Variants in NCS1 observed in about 807,000 individuals in gnomAD.
NCS1 encodes the protein neuronal calcium sensor 1.
NCS1 carries 6 observed loss-of-function variants against 28.4 expected under a neutral mutation model. The ratio of observed to expected loss-of-function variants is 0.21; its 90% CI spans 0.12 to 0.42. NCS1 has a LOEUF of 0.42. Among genes scored for constraint, NCS1 ranks in the 10% least tolerant of loss-of-function variants. The pLI is 1.00. For synonymous variants in NCS1, 86 were observed against 99.3 expected (o/e 0.87, Z 0.79); for missense variants, 131 against 241.4 (o/e 0.54, Z 3.03).
At chr9:130,217,333 G>A (rs1833204687) in intron 2 of NCS1, among the ~76,000 whole-genome samples, 1 of 152,218 alleles carries the variant, frequency 6.6e-6, no homozygotes, top group South Asian at 2.1e-4. Context: ...GAGACTGAGG[G>A]GCAGGGTGTG....
rs1241524668 is a variant in NCS1, at chr9:130,192,410, C to T, written c.65-8548C>T. On this transcript the variant is annotated intron_variant, in intron 1 of 7. Transcript: ENST00000372398. The surrounding 1 kb of genome is among the most constrained non-coding windows in gnomAD (Gnocchi z 4.8). The stretch of plus-strand genomic sequence containing the variant: ...CTGTGCCCACCTTCCTGTCCTCACT[C>T]CAGCCCTCTCGGGGGCTGCTCTTCC... Among the ~76,000 whole-genome samples the T allele has an allele frequency of 6.6e-6, 1 of 152,058 alleles. No homozygotes were observed. The highest frequency in any genetic ancestry group is 1.5e-5 in the Non-Finnish European group (1 of 68,004).
In NCS1 at chr9:130,226,764, C is replaced by T. The variant is rs987709666; in HGVS notation, c.*17+260C>T. On this transcript the variant is annotated intron_variant, in intron 7 of 7. Transcript: ENST00000372398. This position sits in a 1 kb window ranked among gnomAD's most constrained non-coding sequence, Gnocchi z 4.8. ...GAATTTTTCTGGGCGCGGTGGCTCA[C>T]GCCTGTAATCCCAGCACTTTGGGAA... Among the ~76,000 whole-genome samples, 18 of 152,102 alleles carry T rather than the reference C, an allele frequency of 1.2e-4. No individual in the cohort carries two copies. Among genetic ancestry groups the T allele is most frequent in the Admixed American group, 5.9e-4 (9 of 15,266 alleles).
Position 130,186,659 on chromosome 9 carries a change from A to C in NCS1, c.64+13932A>C, listed in dbSNP as rs576616317. ...TCCATCACAGCTCAGGCAGAAGCCA[A>C]ATTGGTCACAGAAGCCACACGGTCA... On this transcript the variant is annotated intron_variant, in intron 1 of 7. Coordinates refer to ENST00000372398, the MANE Select transcript of NCS1 (RefSeq NM_014286.4). The surrounding 1 kb of genome is among the most constrained non-coding windows in gnomAD (Gnocchi z 4.1). 2.6e-5 allele frequency among the ~76,000 whole-genome samples: 4 copies of C among 152,280 alleles called. No individual in the cohort carries two copies. The East Asian group carries it at 7.7e-4, about 29-fold the overall frequency.
intron 2 of NCS1, among the ~76,000 whole-genome samples, chr9:130,213,436 G>A (rs1399345421): frequency 6.7e-6 from 1 of 148,962 alleles, no homozygotes; most frequent in Admixed American, 6.8e-5. Flanking sequence ...CCGCCACCAC[G>A]CCCGGCTAAT....
intron 1 of NCS1, among the ~76,000 whole-genome samples, chr9:130,193,318 A>T (rs1832840356): frequency 6.6e-6 from 1 of 151,754 alleles, no homozygotes; most frequent in African/African-American, 2.4e-5. Flanking sequence ...GGAGGGGAGG[A>T]ATGTGACCAC....
In NCS1 at chr9:130,219,677, G is replaced by A. The variant is rs782666740; in HGVS notation, c.229-48G>A. ...CCGTCCCGAGGTTCAGCCTGACCCG[G>A]TGGCCTGGCCGGCACTGACTGAGGC... On this transcript the variant is annotated intron_variant, in intron 3 of 7. Coordinates refer to ENST00000372398, the MANE Select transcript of NCS1 (RefSeq NM_014286.4). This position sits in a 1 kb window ranked among gnomAD's most constrained non-coding sequence, Gnocchi z 5.7. 1.3e-6 allele frequency: 2 copies of A among 1,587,150 alleles called. No homozygotes were observed. Among genetic ancestry groups the A allele is most frequent in the Non-Finnish European group, 1.7e-6 (2 of 1,155,560 alleles).
At chr9:130,187,976 G>C (rs1832762310) in intron 1 of NCS1, among the ~76,000 whole-genome samples, 1 of 152,206 alleles carries the variant, frequency 6.6e-6, no homozygotes, top group African/African-American at 2.4e-5. Context: ...GTGGGGACTA[G>C]GGTGGGGGAG....
rs558629215 is a variant in NCS1 at position 130,215,938 on chromosome 9, C to T, written c.90-1894C>T. 3.5e-3 allele frequency among the ~76,000 whole-genome samples: 537 copies of T among 152,214 alleles called. 1 individual carries two copies. The highest frequency in any genetic ancestry group is 5.4e-3 in the Non-Finnish European group (368 of 68,002). On this transcript the variant is annotated intron_variant, in intron 2 of 7. Transcript: ENST00000372398. The surrounding 1 kb of genome is among the most constrained non-coding windows in gnomAD (Gnocchi z 4.2). ...TCCTGCTCCCTCTTCTCTGCCCTCC[C>T]CCATCCTCCTCCTCCCCTCAACCGC...
intron 1 of NCS1, among the ~76,000 whole-genome samples, chr9:130,183,311 G>A (rs886388624): frequency 2.0e-5 from 3 of 151,994 alleles, no homozygotes; most frequent in Non-Finnish European, 2.9e-5. Flanking sequence ...GCGGCTGGGG[G>A]GGGGAGCTCC....
intron 3 of NCS1, among the ~76,000 whole-genome samples, chr9:130,218,831 T>C (rs1833228026): frequency 6.6e-6 from 1 of 152,146 alleles, no homozygotes; most frequent in Admixed American, 6.5e-5. Flanking sequence ...CCTCAGATGA[T>C]CCACCCACCT....
chr9:130,206,409 T>C lies in NCS1; in HGVS notation c.89+5427T>C, dbSNP rs1318075770. On this transcript the variant is annotated intron_variant, in intron 2 of 7. Coordinates refer to ENST00000372398, the MANE Select transcript of NCS1 (RefSeq NM_014286.4). The stretch of plus-strand genomic sequence containing the variant: ...CTTTTTCTTTTCTTTCTTTCTTTTT[T>C]TTTTTTTTTTTTTTCCTGAGATGGA... Among the ~76,000 whole-genome samples, 1,118 of 146,374 alleles carry C rather than the reference T, an allele frequency of 7.6e-3. 14 individuals are homozygous for C. The highest frequency in any genetic ancestry group is 0.026 in the African/African-American group (1,030 of 39,258).
intron 2 of NCS1, among the ~76,000 whole-genome samples, chr9:130,204,939 G>A (rs576909665): frequency 1.4e-4 from 22 of 152,168 alleles, no homozygotes; most frequent in African/African-American, 3.6e-4. Context: ...GCAATAGAGC[G>A]TGCTCCCTGT....
chr9:130,222,488 G>A (rs532768114), intron 4 of NCS1, among the ~76,000 whole-genome samples, 162 bp from the exon 5 acceptor site: 38 of 152,160 alleles, frequency 2.5e-4, no homozygotes, highest in African/African-American at 8.7e-4. Flanking sequence ...TGGTGTGTGT[G>A]TGTCTGTCCC....
chr9:130,182,900 C>T (rs1038823536), intron 1 of NCS1, among the ~76,000 whole-genome samples: 26 of 152,212 alleles, frequency 1.7e-4, no homozygotes, highest in Non-Finnish European at 3.7e-4. Context: ...GAGACCAAGT[C>T]CTCACAGGTG....
rs563404457 is a variant in NCS1 at position 130,232,607 on chromosome 9, C to A, written c.*18-383C>A. 3.0e-3 allele frequency among the ~76,000 whole-genome samples: 461 copies of A among 152,154 alleles called. 6 individuals carry two copies. Among genetic ancestry groups the A allele is most frequent in the Non-Finnish European group, 2.4e-3 (162 of 68,010 alleles). On this transcript the variant is annotated intron_variant, in intron 7 of 7. Transcript: ENST00000372398. This position sits in a 1 kb window ranked among gnomAD's most constrained non-coding sequence, Gnocchi z 4.4. The stretch of plus-strand genomic sequence containing the variant: ...ACCAGCCTGGCCAAGATGGTGAAAC[C>A]CTGTCTCTACTAAAAAATGCAAAAA...
chr9:130,220,974 C>T (rs1833276433), intron 4 of NCS1, among the ~76,000 whole-genome samples: 1 of 152,000 alleles, frequency 6.6e-6, no homozygotes, highest in African/African-American at 2.4e-5. Context: ...CACTCAGCTC[C>T]AGCCACTGAT....
intron 7 of NCS1, among the ~76,000 whole-genome samples, chr9:130,227,412 T>C (rs1321447858): frequency 2.0e-5 from 3 of 152,178 alleles, no homozygotes; most frequent in African/African-American, 7.2e-5. Context: ...TGTTGGTGTA[T>C]ATGTAAGGGT....
At chr9:130,222,130 A>T (rs71481363) in intron 4 of NCS1, among the ~76,000 whole-genome samples, 1 of 91,294 alleles carries the variant, frequency 1.1e-5, no homozygotes, top group African/African-American at 3.7e-5. Flanking sequence ...ATATATGTGT[A>T]TATATATATA....
intron 2 of NCS1, among the ~76,000 whole-genome samples, chr9:130,217,424 C>G (rs1403792511): frequency 1.3e-5 from 2 of 152,154 alleles, no homozygotes; most frequent in African/African-American, 4.8e-5. Flanking sequence ...AGCCTGATGC[C>G]AGGAGGGGCT....
Sources: gnomAD v4.1 joint callset for allele counts (sites outside exome capture counted in the v4.1 genomes callset) on GRCh38, gnomAD v4.1.1 for gene constraint, Gnocchi (gnomAD v3.1) non-coding constraint, MANE v1.5 for transcripts, NCBI Gene and HGNC (gene_info 2026-07-23, HGNC 2026-07-21) for gene names.